AGTPBP1: variants seen among roughly 807,000 people sequenced by gnomAD.
AGTPBP1 encodes the protein cytosolic carboxypeptidase 1.
AGTPBP1 carries 70 observed loss-of-function variants against 143.9 expected under a neutral mutation model. The ratio of observed to expected loss-of-function variants is 0.49; its 90% CI spans 0.40 to 0.59. AGTPBP1 has a LOEUF of 0.59. Among genes scored for constraint, AGTPBP1 ranks in the 20% least tolerant of loss-of-function variants. AGTPBP1 has a pLI of 0.00. For missense variants in AGTPBP1, 1,229 were observed against 1,464.5 expected (o/e 0.84, Z 2.62); for synonymous variants, 463 against 500.2 (o/e 0.93, Z 0.99).
chr9:85,628,232 T>C (rs1017370221), intron 14 of AGTPBP1, among the ~76,000 whole-genome samples: 1 of 152,204 alleles, frequency 6.6e-6, no homozygotes, highest in African/African-American at 2.4e-5. Flanking sequence ...TGTTGAAATA[T>C]GAAACCTTCA....
intron 25 of AGTPBP1, among the ~76,000 whole-genome samples, chr9:85,551,013 C>T (rs1355754465): frequency 6.6e-6 from 1 of 152,058 alleles, no homozygotes; most frequent in Non-Finnish European, 1.5e-5. Flanking sequence ...TGAGTTTTCA[C>T]TCTGTGTTCA....
chr9:85,561,439 T>C (rs369937788), intron 25 of AGTPBP1, among the ~76,000 whole-genome samples: 64 of 146,376 alleles, frequency 4.4e-4, no homozygotes, highest in African/African-American at 1.5e-3. Flanking sequence ...ACAAGACAAA[T>C]AGCTAACTTG....
intron 6 of AGTPBP1, 22 bp downstream of exon 6, chr9:85,677,414 T>C (rs763552674): frequency 6.3e-7 from 1 of 1,599,714 alleles, no homozygotes; most frequent in Non-Finnish European, 8.5e-7. Flanking sequence ...GATACAATAA[T>C]CATACAAATG....
intron 4 of AGTPBP1, among the ~76,000 whole-genome samples, chr9:85,680,188 T>A (rs748813353): frequency 6.6e-6 from 1 of 152,252 alleles, no homozygotes; most frequent in African/African-American, 2.4e-5. Context: ...AGATTTCTAA[T>A]GTTCTTTGAT....
chr9:85,644,721 ACT>A (rs1832708471), intron 12 of AGTPBP1, among the ~76,000 whole-genome samples: 1 of 152,134 alleles, frequency 6.6e-6, no homozygotes, highest in Non-Finnish European at 1.5e-5. Flanking sequence ...AATGCTCCAA[ACT>A]CTGAAAAATC....
chr9:85,791,966 C>T, the AGTPBP1 span, among the ~76,000 whole-genome samples: 2 of 152,018 alleles, frequency 1.3e-5, no homozygotes, highest in South Asian at 4.2e-4. Flanking sequence ...GCAGTTAGGA[C>T]TTAAGTGATT....
chr9:85,785,359 G>C, the AGTPBP1 span, among the ~76,000 whole-genome samples: 1 of 151,438 alleles, frequency 6.6e-6, no homozygotes, highest in African/African-American at 2.4e-5. Context: ...AAAAACTTTT[G>C]TCTTTGCAGG....
At chr9:85,734,069 T>C (rs1010064550) in intron 1 of AGTPBP1, among the ~76,000 whole-genome samples, 2 of 152,212 alleles carry the variant, frequency 1.3e-5, no homozygotes, top group African/African-American at 4.8e-5. Context: ...CTGGCCAACA[T>C]GGTGAAACCC....
rs763171224 is a variant in AGTPBP1 at position 85,681,325 on chromosome 9, CCTT to C, written c.165_167del (p.Arg57del). ...TAGAACCTTTGGCTGTCATTTCTCT[CCTT>C]GTTTTTTCTGAAAAGTAGCAAACAA... On this transcript the variant is annotated inframe_deletion, in exon 4 of 26. Transcript: ENST00000357081. The C allele has an allele frequency of 6.8e-6, 11 of 1,611,726 alleles. No individual in the cohort carries two copies. Among genetic ancestry groups the C allele is most frequent in the South Asian group, 5.5e-5 (5 of 90,294 alleles).
At chr9:85,563,524 C>T (rs1826878157) in intron 25 of AGTPBP1, among the ~76,000 whole-genome samples, 1 of 152,076 alleles carries the variant, frequency 6.6e-6, no homozygotes, top group African/African-American at 2.4e-5. Context: ...CTCTTGATTG[C>T]TTATAGTAAA....
At chr9:85,622,442 A>G (rs901385836) in intron 14 of AGTPBP1, among the ~76,000 whole-genome samples, 1 of 152,206 alleles carries the variant, frequency 6.6e-6, no homozygotes, top group Non-Finnish European at 1.5e-5. Flanking sequence ...ATTTAAAATA[A>G]GCCAAGAACC....
chr9:85,779,262 T>C, the AGTPBP1 span, among the ~76,000 whole-genome samples: 13 of 149,208 alleles, frequency 8.7e-5, no homozygotes, highest in African/African-American at 3.2e-4. Context: ...TAAATATAAA[T>C]ATATATAGCT....
the AGTPBP1 span, among the ~76,000 whole-genome samples, chr9:85,790,416 G>A: frequency 2.0e-5 from 3 of 152,096 alleles, no homozygotes; most frequent in Non-Finnish European, 2.9e-5. Context: ...TGACTGCTGC[G>A]ATTCCTTCCA....
At chr9:85,554,432 T>C (rs1826209485) in intron 25 of AGTPBP1, among the ~76,000 whole-genome samples, 1 of 152,120 alleles carries the variant, frequency 6.6e-6, no homozygotes, top group Non-Finnish European at 1.5e-5. Flanking sequence ...GCAACAGAAA[T>C]TTCTGGTAGT....
chr9:85,628,038 G>A (rs10117805), intron 14 of AGTPBP1, among the ~76,000 whole-genome samples: 49,223 of 152,036 alleles, frequency 0.32, 9,557 homozygotes, highest in East Asian at 0.56. Context: ...TTTGCAAAGA[G>A]TATATAAAAT....
Position 85,547,173 on chromosome 9 carries a change from T to TA in AGTPBP1, c.3616dup (p.Tyr1206LeufsTer2), listed in dbSNP as rs1223524695. The TA allele has an allele frequency of 3.1e-6, 5 of 1,613,538 alleles. No homozygotes were observed. The Admixed American group carries it at 5.0e-5, about 16-fold the overall frequency. On this transcript the variant is annotated frameshift_variant, in exon 26 of 26. Coordinates refer to ENST00000357081, the MANE Select transcript of AGTPBP1 (RefSeq NM_001330701.2). LOFTEE classifies it high-confidence loss of function. The stretch of plus-strand genomic sequence containing the variant: ...TACTTCTTCTTGAGCAGAAGGTTCA[T>TA]AATCTCCTACATTTTCAGCCAACTC...
chr9:85,760,453 G>A, the AGTPBP1 span, among the ~76,000 whole-genome samples: 1 of 152,196 alleles, frequency 6.6e-6, no homozygotes, highest in African/African-American at 2.4e-5. Flanking sequence ...TGGGATGCAA[G>A]GCTGGTTCAA....
intron 7 of AGTPBP1, among the ~76,000 whole-genome samples, chr9:85,671,623 A>T (rs1217413347): frequency 6.6e-6 from 1 of 152,102 alleles, no homozygotes; most frequent in Non-Finnish European, 1.5e-5. Context: ...CTGCAATAAC[A>T]TATATTCTGC....
intron 3 of AGTPBP1, among the ~76,000 whole-genome samples, chr9:85,683,772 C>T (rs1340745359): frequency 6.6e-6 from 1 of 152,168 alleles, no homozygotes; most frequent in African/African-American, 2.4e-5. Flanking sequence ...TAATCTTCTA[C>T]TTATGGCCCA....
Sources: allele counts gnomAD v4.1 joint callset (sites outside exome capture counted in the v4.1 genomes callset), GRCh38; gene constraint gnomAD v4.1.1; transcripts MANE v1.5; gene names NCBI Gene and HGNC (gene_info 2026-07-23, HGNC 2026-07-21).